ATP2B3: variants seen among roughly 807,000 people sequenced by gnomAD.
The protein encoded by ATP2B3 is plasma membrane calcium-transporting ATPase 3.
Under a neutral mutation model 70.8 loss-of-function variants are expected in ATP2B3, and 12 were observed. The ratio of observed to expected loss-of-function variants is 0.17; its 90% CI spans 0.11 to 0.27. ATP2B3 has a LOEUF of 0.27. Among genes scored for constraint, ATP2B3 ranks in the 10% least tolerant of loss-of-function variants. ATP2B3 has a pLI of 1.00. For missense variants in ATP2B3, 858 were observed against 1,118.5 expected, an observed-to-expected ratio of 0.77 and a Z score of 3.32; for synonymous variants, 460 against 497.8, an observed-to-expected ratio of 0.92 and a Z score of 1.01.
rs782698435 is a variant in ATP2B3 at position 153,527,474 on chromosome X, G to A, written c.-126-8648G>A. On this transcript the variant is annotated intron_variant, in intron 2 of 21. Transcript: ENST00000263519. The stretch of plus-strand genomic sequence containing the variant: ...CTGCTATGCAGCTCGCACACCCGCT[G>A]TAATTGGATAATTAGTGTCATTATG... Among the ~76,000 whole-genome samples, 131 of 112,996 alleles carry A rather than the reference G, an allele frequency of 1.2e-3. 1 individual carries two copies. The highest frequency in any genetic ancestry group is 2.1e-3 in the Non-Finnish European group (114 of 53,316).
chrX:153,531,354 T>C (rs965949361), intron 2 of ATP2B3, among the ~76,000 whole-genome samples: 3 of 113,218 alleles, frequency 2.6e-5, no homozygotes, highest in African/African-American at 6.4e-5. Flanking sequence ...TGGCTTGCTT[T>C]TCCTCTCTGG....
chrX:153,545,900 G>T (rs1367415685), intron 7 of ATP2B3, among the ~76,000 whole-genome samples, 188 bp from the exon 8 acceptor site: 3 of 111,728 alleles, frequency 2.7e-5, no homozygotes, highest in African/African-American at 9.8e-5. Flanking sequence ...CTGGGCAGAG[G>T]TCTGGCTCAG....
Position 153,536,447 on chromosome X carries a change from C to T in ATP2B3, c.200C>T (p.Pro67Leu). The part of the protein sequence containing the change: ...SGLCRRLKTS[P>L]TEGLADNTND... ...CTCTGCCGGAGGCTGAAGACCTCAC[C>T]CACAGAGGGTAAGTCCCTCTCAGGC... is the stretch of plus-strand genomic sequence containing the variant. The change falls in exon 3 of 22, where the codon CCC becomes CTC. Residue 67 changes from proline (P) to leucine (L), a missense_variant. Pro to Leu is a moderately conservative substitution (Grantham distance 98). Coordinates refer to ENST00000263519, the MANE Select transcript of ATP2B3 (RefSeq NM_001001344.3). The T allele has an allele frequency of 8.4e-7, 1 of 1,195,282 alleles. No individual in the cohort carries two copies. The highest frequency in any genetic ancestry group is 1.1e-6 in the Non-Finnish European group (1 of 888,155).
At chrX:153,571,860 C>T (rs2090794122) in intron 21 of ATP2B3, among the ~76,000 whole-genome samples, 1 of 112,935 alleles carries the variant, frequency 8.9e-6, no homozygotes, top group South Asian at 3.6e-4. Context: ...AGCTGAACAT[C>T]AGCATCCCAG....
intron 21 of ATP2B3, among the ~76,000 whole-genome samples, chrX:153,577,271 C>T (rs1557021584): frequency 1.8e-5 from 2 of 112,801 alleles, no homozygotes; most frequent in African/African-American, 6.4e-5. Flanking sequence ...GGGCTGGCTC[C>T]GTGGCCTGGC....
intron 21 of ATP2B3, among the ~76,000 whole-genome samples, chrX:153,570,691 G>A (rs971721937): frequency 1.8e-5 from 2 of 111,139 alleles, no homozygotes; most frequent in Non-Finnish European, 3.8e-5. Flanking sequence ...CGTGGGCCCA[G>A]GGCCTTTGCC....
intron 3 of ATP2B3, 31 bp downstream of exon 3, chrX:153,536,486 G>GC: frequency 6.8e-6 from 8 of 1,171,678 alleles, no homozygotes; most frequent in Non-Finnish European, 9.2e-6. Flanking sequence ...ATGCCACCCA[G>GC]CCCTGCTCCC....
intron 7 of ATP2B3, among the ~76,000 whole-genome samples, chrX:153,545,707 T>G (rs1302533808): frequency 8.9e-6 from 1 of 112,305 alleles, no homozygotes; most frequent in African/African-American, 3.2e-5. Context: ...TCTGCCTGGC[T>G]TCCAGGGGTT....
intron 20 of ATP2B3, among the ~76,000 whole-genome samples, chrX:153,563,226 C>T (rs1235204748): frequency 3.1e-5 from 3 of 95,345 alleles, no homozygotes; most frequent in African/African-American, 1.2e-4. Flanking sequence ...ACTGTAGCCT[C>T]GAACTCCCAG....
chrX:153,560,044 G>A (rs2090601441), intron 18 of ATP2B3, 102 bp downstream of exon 18: 2 of 860,072 alleles, frequency 2.3e-6, no homozygotes, highest in Non-Finnish European at 3.3e-6. Context: ...TCCGCACCCA[G>A]TACGGGGTGG....
At chrX:153,526,285 G>A (rs781831919) in intron 2 of ATP2B3, among the ~76,000 whole-genome samples, 1 of 111,640 alleles carries the variant, frequency 9.0e-6, no homozygotes, top group East Asian at 2.8e-4. Context: ...GATGATAAGA[G>A]GGTCAGGAAC....
At chrX:153,548,212 C>T (rs782639103) in intron 9 of ATP2B3, among the ~76,000 whole-genome samples, 53 of 112,799 alleles carry the variant, frequency 4.7e-4, no homozygotes, top group Non-Finnish European at 7.9e-4. Context: ...AAACCCTCGA[C>T]GAAAGCCCGG....
rs782295896 is a variant in ATP2B3 at position 153,537,678 on chromosome X, A to C, written c.208+1223A>C. 7.1e-5 allele frequency among the ~76,000 whole-genome samples: 8 copies of C among 112,208 alleles called. No homozygotes were observed. In the South Asian group the frequency reaches 2.9e-3, roughly 41 times the overall value. ...CACGGTGCAGCTGCTGCTGGGGCTG[A>C]TGCCTTGGCTCTGCTCCCGAGCATC... On this transcript the variant is annotated intron_variant, in intron 3 of 21. Transcript: ENST00000263519.
At chrX:153,528,754 G>A (rs1285280320) in intron 2 of ATP2B3, among the ~76,000 whole-genome samples, 1 of 112,463 alleles carries the variant, frequency 8.9e-6, no homozygotes, top group African/African-American at 3.2e-5. Context: ...GATGGCAACA[G>A]ATAGATAGCT....
chrX:153,557,618 G>A (rs1048285346), intron 16 of ATP2B3, among the ~76,000 whole-genome samples: 3 of 112,216 alleles, frequency 2.7e-5, no homozygotes, highest in Non-Finnish European at 5.6e-5. Context: ...CAGCTCTCAC[G>A]GGGCCAGGCT....
chrX:153,557,977 G>A (rs2090566793), intron 16 of ATP2B3, 135 bp from the exon 17 acceptor site: 1 of 552,607 alleles, frequency 1.8e-6, no homozygotes, highest in Admixed American at 4.6e-5. Flanking sequence ...GCTGTTCTTG[G>A]CTTTGGGGGG....
intron 21 of ATP2B3, among the ~76,000 whole-genome samples, chrX:153,570,170 C>T (rs968136577): frequency 9.8e-5 from 11 of 112,644 alleles, no homozygotes; most frequent in African/African-American, 3.2e-4. Context: ...GGCTCAGGGC[C>T]GCCTTCCCGG....
At chrX:153,546,355 C>A (rs1399823365) in intron 8 of ATP2B3, among the ~76,000 whole-genome samples, 1 of 112,465 alleles carries the variant, frequency 8.9e-6, no homozygotes, top group Admixed American at 9.3e-5. Flanking sequence ...GGCAGCTCAG[C>A]CCAGCCACCT....
intron 21 of ATP2B3, among the ~76,000 whole-genome samples, chrX:153,572,532 G>A (rs1431735937): frequency 1.8e-5 from 2 of 112,070 alleles, no homozygotes; most frequent in African/African-American, 3.2e-5. Flanking sequence ...ATTTGGGATC[G>A]CTGGGGCTCA....
Sources: allele counts gnomAD v4.1 joint callset (sites outside exome capture counted in the v4.1 genomes callset), GRCh38; gene constraint gnomAD v4.1.1; transcripts MANE v1.5; gene names NCBI Gene and HGNC (gene_info 2026-07-23, HGNC 2026-07-21).